Variants in BCAS3 observed in about 807,000 individuals in gnomAD.
BCAS3 encodes the protein BCAS4/BCAS3 fusion.
A neutral mutation model predicts 116.1 loss-of-function variants in BCAS3; 53 were observed. The ratio of observed to expected loss-of-function variants is 0.46; its 90% CI spans 0.37 to 0.57. The LOEUF (loss-of-function observed/expected upper bound fraction) is 0.57. Among genes scored for constraint, BCAS3 ranks in the 20% least tolerant of loss-of-function variants. The pLI is 0.00. For synonymous variants in BCAS3, 391 were observed against 408.2 expected, an observed-to-expected ratio of 0.96 and a Z score of 0.51; for missense variants, 917 against 1,165.4, an observed-to-expected ratio of 0.79 and a Z score of 3.10.
rs370723752 is a variant in BCAS3, at chr17:61,136,479, C to T, written c.2425+51915C>T. Reference sequence around the variant, plus strand: ...TAGGATGTTTAGCAGAACCCCTGGCCTCTACCCGTTAGATAGCAGCACGCC... The same window carrying T: ...TAGGATGTTTAGCAGAACCCCTGGCTTCTACCCGTTAGATAGCAGCACGCC... On this transcript the variant is annotated intron_variant, in intron 22 of 23. Transcript: ENST00000407086. The surrounding 1 kb of genome is among the most constrained non-coding windows in gnomAD (Gnocchi z 4.4). Among the ~76,000 whole-genome samples, 89 of 152,220 alleles carry T rather than the reference C, an allele frequency of 5.8e-4. No individual in the cohort carries two copies. The highest frequency in any genetic ancestry group is 1.6e-3 in the Admixed American group (24 of 15,284).
Position 61,161,860 on chromosome 17 carries a change from A to G in BCAS3, c.2425+77296A>G, listed in dbSNP as rs11868441. The stretch of plus-strand genomic sequence containing the variant: ...AGTAGTACTGCCTTCTCTGGCCTTT[A>G]TAAACATGATTGCTGGACAAAGATG... On this transcript the variant is annotated intron_variant, in intron 22 of 23. Coordinates refer to ENST00000407086, the MANE Select transcript of BCAS3 (RefSeq NM_017679.5). This position sits in a 1 kb window ranked among gnomAD's most constrained non-coding sequence, Gnocchi z 4.8. Among the ~76,000 whole-genome samples, 95,175 of 152,086 alleles carry G rather than the reference A, an allele frequency of 0.63. 35,652 individuals carry two copies. The highest frequency in any genetic ancestry group is 0.89 in the South Asian group (4,297 of 4,820).
intron 7 of BCAS3, among the ~76,000 whole-genome samples, chr17:60,817,834 T>A (rs2144668118): frequency 6.6e-6 from 1 of 151,858 alleles, no homozygotes; most frequent in Non-Finnish European, 1.5e-5. Flanking sequence ...ACTTTAAATT[T>A]ACTTTGAGAA....
At chr17:61,143,979 A>AT (rs1325272243) in intron 22 of BCAS3, among the ~76,000 whole-genome samples, 3 of 151,914 alleles carry the variant, frequency 2.0e-5, no homozygotes, top group African/African-American at 7.3e-5. Context: ...ATCAGAAAGA[A>AT]TTTTTTTTCT....
intron 14 of BCAS3, among the ~76,000 whole-genome samples, chr17:60,977,556 G>A (rs998255296): frequency 1.3e-5 from 2 of 151,284 alleles, no homozygotes; most frequent in Non-Finnish European, 2.9e-5. Context: ...CAATGTGCAG[G>A]TTAGTTACAT....
rs2073854382 is a variant in BCAS3 at position 61,094,700 on chromosome 17, T to A, written c.2425+10136T>A. 2.6e-5 allele frequency among the ~76,000 whole-genome samples: 4 copies of A among 152,088 alleles called. No individual in the cohort carries two copies. In the South Asian group the frequency reaches 8.3e-4, roughly 32 times the overall value. ...TCTCTACTAAATACAAAAAATTAGC[T>A]GGGTGTGGTGGTGCATGCTTGTAAG... On this transcript the variant is annotated intron_variant, in intron 22 of 23. Coordinates refer to ENST00000407086, the MANE Select transcript of BCAS3 (RefSeq NM_017679.5).
chr17:60,949,652 T>C (rs1468155322), intron 14 of BCAS3, among the ~76,000 whole-genome samples: 1 of 152,208 alleles, frequency 6.6e-6, no homozygotes, highest in Non-Finnish European at 1.5e-5. Flanking sequence ...AGGCATACAA[T>C]GCGTAATGAT....
chr17:61,279,558 T>C lies in BCAS3; in HGVS notation c.2426-88769T>C, dbSNP rs1372452300. On this transcript the variant is annotated intron_variant, in intron 22 of 23. Coordinates refer to ENST00000407086, the MANE Select transcript of BCAS3 (RefSeq NM_017679.5). This position sits in a 1 kb window ranked among gnomAD's most constrained non-coding sequence, Gnocchi z 4.4. The stretch of plus-strand genomic sequence containing the variant: ...TTGGGGCCTCAGCAGAGGATATTTT[T>C]AGAACAGCTGTGGGTCTAATTTTGA... 1.3e-5 allele frequency among the ~76,000 whole-genome samples: 2 copies of C among 152,178 alleles called. No individual in the cohort carries two copies. The highest frequency in any genetic ancestry group is 4.8e-5 in the African/African-American group (2 of 41,452).
chr17:60,719,047 G>A (rs2144078512), intron 5 of BCAS3, among the ~76,000 whole-genome samples: 2 of 152,210 alleles, frequency 1.3e-5, no homozygotes, highest in Non-Finnish European at 2.9e-5. Flanking sequence ...GGGCGACAGA[G>A]CGAGGCTCTG....
At chr17:60,754,065 TC>T (rs2042756112) in intron 6 of BCAS3, among the ~76,000 whole-genome samples, 1 of 152,144 alleles carries the variant, frequency 6.6e-6, no homozygotes, top group Admixed American at 6.5e-5. Context: ...ACAGGGTCTC[TC>T]TCTCTCTTGC....
intron 14 of BCAS3, among the ~76,000 whole-genome samples, chr17:60,950,214 T>C (rs935932438): frequency 1.3e-5 from 2 of 152,158 alleles, no homozygotes; most frequent in African/African-American, 2.4e-5. Flanking sequence ...TATTTACAGA[T>C]GTCTGGAATT....
At chr17:60,722,859 G>A (rs1171443678) in intron 5 of BCAS3, among the ~76,000 whole-genome samples, 1 of 151,900 alleles carries the variant, frequency 6.6e-6, no homozygotes, top group Admixed American at 6.6e-5. Flanking sequence ...GAGATTAGAA[G>A]TTTGAGACCA....
At position 61,196,590 on chromosome 17, in the gene BCAS3, G is replaced by A. The variant is rs1285128503; in HGVS notation, c.2425+112026G>A. On this transcript the variant is annotated intron_variant, in intron 22 of 23. Transcript: ENST00000407086. This position sits in a 1 kb window ranked among gnomAD's most constrained non-coding sequence, Gnocchi z 4.7. ...TTCCAGATGGGGAGGTTAGACTGGG[G>A]CTAGCCAGACTGCTCCACATAGACT... Among the ~76,000 whole-genome samples, 1 of 152,212 alleles carries A rather than the reference G, an allele frequency of 6.6e-6. No individual in the cohort carries two copies. Among genetic ancestry groups the A allele is most frequent in the Non-Finnish European group, 1.5e-5 (1 of 68,046 alleles).
rs79215988 is a variant in BCAS3, at chr17:61,288,172, A to G, written c.2426-80155A>G. ...ACCACTCCATTAAATGAGGCACTCA[A>G]TCAACTTGAATCAAAGAAATTACAT... On this transcript the variant is annotated intron_variant, in intron 22 of 23. Coordinates refer to ENST00000407086, the MANE Select transcript of BCAS3 (RefSeq NM_017679.5). Among the ~76,000 whole-genome samples the G allele has an allele frequency of 2.4e-3, 372 of 152,348 alleles. 11 individuals carry two copies. The East Asian group carries it at 0.062, about 25-fold the overall frequency.
intron 19 of BCAS3, among the ~76,000 whole-genome samples, chr17:61,064,586 G>A (rs1212243590): frequency 6.6e-6 from 1 of 152,142 alleles, no homozygotes; most frequent in Non-Finnish European, 1.5e-5. Context: ...TACTGTGGGG[G>A]TACAGAAAAG....
chr17:60,886,801 T>G (rs1361035298), intron 9 of BCAS3, among the ~76,000 whole-genome samples: 1 of 151,996 alleles, frequency 6.6e-6, no homozygotes, highest in Admixed American at 6.6e-5. Context: ...AGTCTGCCGG[T>G]TCTCAGATCT....
At chr17:60,697,849 G>T (rs543535112) in intron 4 of BCAS3, among the ~76,000 whole-genome samples, 2 of 151,998 alleles carry the variant, frequency 1.3e-5, no homozygotes, top group African/African-American at 4.8e-5. Context: ...AGACCGTAAA[G>T]TTCAGATTTA....
At chr17:61,277,262 C>CAAAAAAAA (rs58849968) in intron 22 of BCAS3, among the ~76,000 whole-genome samples, 1 of 101,742 alleles carries the variant, frequency 9.8e-6, no homozygotes, top group African/African-American at 3.6e-5. Context: ...GACCCTGTAT[C>CAAAAAAAA]AAAAAAAAAA....
chr17:61,041,636 C>T lies in BCAS3; in HGVS notation c.2029+744C>T, dbSNP rs1047590309. Among the ~76,000 whole-genome samples the T allele has an allele frequency of 6.6e-6, 1 of 151,920 alleles. No individual in the cohort carries two copies. Among genetic ancestry groups the T allele is most frequent in the African/African-American group, 2.4e-5 (1 of 41,396 alleles). ...CAACATTGACATGTTTTTAATGAAA[C>T]TTTGTTGTATTTAACACATTGTCTT... is the stretch of plus-strand genomic sequence containing the variant. On this transcript the variant is annotated intron_variant, in intron 19 of 23. Transcript: ENST00000407086. This position sits in a 1 kb window ranked among gnomAD's most constrained non-coding sequence, Gnocchi z 4.7.
At chr17:61,341,535 C>T (rs2057150288) in intron 22 of BCAS3, among the ~76,000 whole-genome samples, 1 of 152,204 alleles carries the variant, frequency 6.6e-6, no homozygotes, top group Non-Finnish European at 1.5e-5. Flanking sequence ...AACACTGGTG[C>T]AGTGGCACTC....
Sources: gnomAD v4.1 joint callset for allele counts (sites outside exome capture counted in the v4.1 genomes callset) on GRCh38, gnomAD v4.1.1 for gene constraint, Gnocchi (gnomAD v3.1) non-coding constraint, MANE v1.5 for transcripts, NCBI Gene and HGNC (gene_info 2026-07-23, HGNC 2026-07-21) for gene names.